The following TECRL variants were observed in gnomAD, a reference collection of about 807,000 sequenced individuals.
TECRL encodes the protein trans-2,3-enoyl-CoA reductase-like.
In TECRL, 63 loss-of-function variants were observed where a neutral mutation model predicts 52.8. The observed-to-expected ratio is 1.19, with a 90% CI of 0.97 to 1.47. The LOEUF (loss-of-function observed/expected upper bound fraction) is 1.47, where lower values mean the gene tolerates loss of function less well. TECRL is among the 40% of genes most tolerant of loss of function. The pLI, the probability that TECRL is intolerant of heterozygous loss-of-function variation, is 0.00. For missense variants in TECRL, 482 were observed against 429.6 expected (o/e 1.12, Z -1.08); for synonymous variants, 164 against 141.9 (o/e 1.16, Z -1.10).
rs556203656 is a variant in TECRL at position 64,326,078 on chromosome 4, A to G, written c.331+2434T>C. 2.6e-5 allele frequency among the ~76,000 whole-genome samples: 4 copies of G among 152,222 alleles called. No individual in the cohort carries two copies. The South Asian group carries it at 8.3e-4, about 32-fold the overall frequency. Reference sequence around the variant, plus strand: ...GGGCCCTGAATTTCCTGACCAAATTAACACAAGCACAACCTGGTCTTTGGA... The same window carrying G: ...GGGCCCTGAATTTCCTGACCAAATTGACACAAGCACAACCTGGTCTTTGGA... On this transcript the variant is annotated intron_variant, in intron 3 of 11. Transcript: ENST00000381210.
At chr4:64,328,969 G>A in intron 2 of TECRL, among the ~76,000 whole-genome samples, 1 of 151,642 alleles carries the variant, frequency 6.6e-6, no homozygotes, top group East Asian at 1.9e-4. Context: ...CCTGAAATTG[G>A]GTTATTTTCT....
Position 64,409,138 on chromosome 4 carries a change from G to A in TECRL, c.214C>T (p.Gln72Ter), listed in dbSNP as rs748027271. 6.2e-7 allele frequency: 1 copy of A among 1,611,142 alleles called. No homozygotes were observed. The highest frequency in any genetic ancestry group is 1.7e-5 in the Admixed American group (1 of 59,812). Residue 72 changes from glutamine (Q) to a stop codon, truncating the protein, a stop_gained, in exon 1 of 12, where the codon CAG becomes TAG. Coordinates refer to ENST00000381210, the MANE Select transcript of TECRL (RefSeq NM_001010874.5). LOFTEE classifies it high-confidence loss of function. ...CTCACCTTATCCAGAATACATATCTGTTTCCTTGTTTGAGCATCAAATATT... is the reference window on the plus strand; with the variant it reads ...CTCACCTTATCCAGAATACATATCTATTTCCTTGTTTGAGCATCAAATATT... ...IEIFDAQTRK[Q>*]ICILDKVTQS...
chr4:64,284,683 T>C (rs980316355), intron 9 of TECRL, among the ~76,000 whole-genome samples: 3 of 152,048 alleles, frequency 2.0e-5, no homozygotes, highest in African/African-American at 7.2e-5. Context: ...CATAGGAGGC[T>C]TGACCCACAG....
chr4:64,283,677 AG>A (rs1722941049), intron 9 of TECRL, among the ~76,000 whole-genome samples: 1 of 152,086 alleles, frequency 6.6e-6, no homozygotes. Context: ...GAAAAAGCTA[AG>A]GAACAGGTCC....
intron 1 of TECRL, among the ~76,000 whole-genome samples, chr4:64,384,568 C>A (rs1402265977): frequency 1.3e-5 from 2 of 152,050 alleles, no homozygotes; most frequent in Non-Finnish European, 2.9e-5. Flanking sequence ...CATTCTCAGG[C>A]CCCCTAGAAT....
Position 64,322,779 on chromosome 4 carries a change from CA to C in TECRL, c.344del (p.Leu115Ter). Reference protein sequence around the residue: ...GLQLECGGPFLKDYITIQSIA... With the variant: ...GLQLECGGPFXKDYITIQSIA... ...TACTTTGAATGGTAATGTAGTCCTT[CA>C]AAAAAGGCCCGCCTAAAATAAAAAT... On this transcript the variant is annotated frameshift_variant, in exon 4 of 12. Coordinates refer to ENST00000381210, the MANE Select transcript of TECRL (RefSeq NM_001010874.5). LOFTEE classifies it high-confidence loss of function. 3 of 1,602,304 alleles carry C rather than the reference CA, an allele frequency of 1.9e-6. No individual in the cohort carries two copies. Among genetic ancestry groups the C allele is most frequent in the Admixed American group, 1.7e-5 (1 of 58,778 alleles).
At chr4:64,375,482 A>G (rs1722335495) in intron 1 of TECRL, among the ~76,000 whole-genome samples, 1 of 152,012 alleles carries the variant, frequency 6.6e-6, no homozygotes, top group Non-Finnish European at 1.5e-5. Flanking sequence ...TCCCTAAGAT[A>G]TATTTTTGAA....
At chr4:64,408,748 T>C (rs918619013) in intron 1 of TECRL, among the ~76,000 whole-genome samples, 1 of 152,110 alleles carries the variant, frequency 6.6e-6, no homozygotes, top group Non-Finnish European at 1.5e-5. Context: ...AACTCTATGA[T>C]AATTTGTATA....
At chr4:64,378,224 C>T (rs1443732922) in intron 1 of TECRL, among the ~76,000 whole-genome samples, 4 of 151,952 alleles carry the variant, frequency 2.6e-5, no homozygotes. Flanking sequence ...ACATGTTAAG[C>T]TTGATTAATT....
chr4:64,360,226 G>A lies in TECRL; in HGVS notation c.286+14946C>T, dbSNP rs528408930. On this transcript the variant is annotated intron_variant, in intron 2 of 11. Coordinates refer to ENST00000381210, the MANE Select transcript of TECRL (RefSeq NM_001010874.5). ...CTCTTGATAATCTAATGGGATAATG[G>A]GAGATAAATTCAGTGGGAGATACCC... 1.1e-3 allele frequency among the ~76,000 whole-genome samples: 165 copies of A among 146,074 alleles called. 1 individual carries two copies. Among genetic ancestry groups the A allele is most frequent in the Non-Finnish European group, 2.1e-3 (137 of 66,602 alleles).
chr4:64,378,334 G>A lies in TECRL; in HGVS notation c.235-3111C>T, dbSNP rs149941945. 1.9e-3 allele frequency among the ~76,000 whole-genome samples: 286 copies of A among 152,132 alleles called. 1 individual carries two copies. Among genetic ancestry groups the A allele is most frequent in the African/African-American group, 5.7e-3 (238 of 41,528 alleles). ...TAGAATAAACACTTTTGGAAACCAAGGCAGAAGGATCACTTGAGCCCAGGG... is the reference window on the plus strand; with the variant it reads ...TAGAATAAACACTTTTGGAAACCAAAGCAGAAGGATCACTTGAGCCCAGGG... On this transcript the variant is annotated intron_variant, in intron 1 of 11. Transcript: ENST00000381210.
At chr4:64,310,532 T>G (rs901118415) in intron 5 of TECRL, among the ~76,000 whole-genome samples, 1 of 152,200 alleles carries the variant, frequency 6.6e-6, no homozygotes, top group African/African-American at 2.4e-5. Flanking sequence ...TTCTTATCAT[T>G]TTTATATAAT....
intron 7 of TECRL, among the ~76,000 whole-genome samples, chr4:64,302,019 A>G (rs1257563623): frequency 2.6e-5 from 4 of 151,222 alleles, no homozygotes; most frequent in African/African-American, 9.7e-5. Context: ...ATAGGCCATT[A>G]TTCTTTGATT....
intron 1 of TECRL, among the ~76,000 whole-genome samples, chr4:64,379,253 C>CACACACACACACACACACAT (rs1560542995): frequency 2.7e-5 from 1 of 37,608 alleles, no homozygotes; most frequent in African/African-American, 7.2e-5. Context: ...CACATACACA[C>CACACACACACACACACACAT]ACACACACAC....
chr4:64,304,468 A>G (rs1049097504), intron 7 of TECRL, among the ~76,000 whole-genome samples: 4 of 152,094 alleles, frequency 2.6e-5, no homozygotes, highest in Non-Finnish European at 4.4e-5. Context: ...TGAATATACC[A>G]TTTATTTTAA....
chr4:64,373,094 A>G (rs1215383145), intron 2 of TECRL, among the ~76,000 whole-genome samples: 1 of 151,730 alleles, frequency 6.6e-6, no homozygotes, highest in African/African-American at 2.4e-5. Flanking sequence ...AATACTTTAT[A>G]TAATGTAATG....
chr4:64,396,626 TTCTTTTGCCGTAAGGGACC>T (rs1723973770), intron 1 of TECRL, among the ~76,000 whole-genome samples: 1 of 152,158 alleles, frequency 6.6e-6, no homozygotes, highest in Admixed American at 6.6e-5. Context: ...TGTTGGTAGT[TTCTTTTGCCGTAAGGGACC>T]TCTTTAATTT....
At chr4:64,408,426 T>G (rs992747840) in intron 1 of TECRL, among the ~76,000 whole-genome samples, 1 of 151,870 alleles carries the variant, frequency 6.6e-6, no homozygotes, top group African/African-American at 2.4e-5. Context: ...ATGCATATAT[T>G]TATCTAAAAT....
chr4:64,341,729 C>T (rs374352327), intron 2 of TECRL, among the ~76,000 whole-genome samples: 13 of 152,230 alleles, frequency 8.5e-5, no homozygotes, highest in Admixed American at 6.5e-4. Flanking sequence ...CCTGTGACTC[C>T]CTCTTTGGGC....
Sources: allele counts gnomAD v4.1 joint callset (sites outside exome capture counted in the v4.1 genomes callset), GRCh38; gene constraint gnomAD v4.1.1; transcripts MANE v1.5; gene names NCBI Gene and HGNC (gene_info 2026-07-23, HGNC 2026-07-21).